STMN3: variants seen among roughly 807,000 people sequenced by gnomAD.
STMN3 encodes the protein stathmin 3, also known as stathmin-3.
A neutral mutation model predicts 23.2 loss-of-function variants in STMN3; 24 were observed. That is an observed-to-expected ratio of 1.03 (90% CI 0.75 to 1.45). STMN3 has a LOEUF of 1.45. Ranked by LOEUF, STMN3 falls within the 40% of genes most tolerant of loss-of-function variation. STMN3 has a pLI of 0.00. For synonymous variants in STMN3, 117 were observed against 103.4 expected, an observed-to-expected ratio of 1.13 and a Z score of -0.80; for missense variants, 235 against 237.6, an observed-to-expected ratio of 0.99 and a Z score of 0.07.
chr20:63,644,609 C>T (rs1045068670), intron 1 of STMN3, among the ~76,000 whole-genome samples: 3 of 152,218 alleles, frequency 2.0e-5, no homozygotes, highest in Non-Finnish European at 4.4e-5. Flanking sequence ...ACTTGTTTCT[C>T]CATCCTTCTC....
At position 63,640,570 on chromosome 20, in the gene STMN3, CCTG is replaced by C. The variant is rs1569066341; in HGVS notation, c.*765_*767del. ...TCTGCAAAGCCCTGGTGGGGAGGGG[CCTG>C]GGCCAGAGGCTCTTTGGAACTCTTG... On this transcript the variant is annotated 3_prime_UTR_variant, in exon 5 of 5. Coordinates refer to ENST00000370053, the MANE Select transcript of STMN3 (RefSeq NM_015894.4). 1.0e-4 allele frequency: 7 copies of C among 67,556 alleles called. No individual in the cohort carries two copies. Among genetic ancestry groups the C allele is most frequent in the African/African-American group, 6.2e-4 (6 of 9,650 alleles). 4.2% of individuals were successfully genotyped at this position (67,556 alleles called of 1,614,324 possible).
Position 63,652,872 on chromosome 20 carries a change from C to G in STMN3, c.19+455G>C. 1 of 860,254 alleles carries G rather than the reference C, an allele frequency of 1.2e-6. No individual in the cohort carries two copies. Among genetic ancestry groups the G allele is most frequent in the South Asian group, 5.3e-5 (1 of 18,824 alleles). 53.3% of individuals were successfully genotyped at this position (860,254 alleles called of 1,614,324 possible). ...TGTGCTGCACTGGCGCGGGGAGCGC[C>G]GGGTTCCCGGCTGGGGCTTTGGCAG... is the stretch of plus-strand genomic sequence containing the variant. On this transcript the variant is annotated intron_variant, in intron 1 of 4. Coordinates refer to ENST00000370053, the MANE Select transcript of STMN3 (RefSeq NM_015894.4). The surrounding 1 kb of genome is among the most constrained non-coding windows in gnomAD (Gnocchi z 5.3).
intron 3 of STMN3, among the ~76,000 whole-genome samples, chr20:63,643,119 G>A (rs1339694111): frequency 6.6e-6 from 1 of 152,040 alleles, no homozygotes; most frequent in Non-Finnish European, 1.5e-5. Context: ...TCCCTGTCTG[G>A]GAGAGGGATG....
At chr20:63,647,262 C>T (rs1224499029) in intron 1 of STMN3, among the ~76,000 whole-genome samples, 10 of 144,102 alleles carry the variant, frequency 6.9e-5, no homozygotes, top group African/African-American at 1.3e-4. Flanking sequence ...GAGCCAAGAT[C>T]GAGCTACTGC....
At position 63,641,194 on chromosome 20, in the gene STMN3, C is replaced by T; in HGVS notation, c.*144G>A. Reference sequence around the variant, plus strand: ...GACTCACCACGAGGACAGGGCAGGGCGGCTGAGTGCGGAAGAGAAGCATGA... The same window carrying T: ...GACTCACCACGAGGACAGGGCAGGGTGGCTGAGTGCGGAAGAGAAGCATGA... On this transcript the variant is annotated 3_prime_UTR_variant, in exon 5 of 5. Coordinates refer to ENST00000370053, the MANE Select transcript of STMN3 (RefSeq NM_015894.4). 3 of 750,196 alleles carry T rather than the reference C, an allele frequency of 4.0e-6. No homozygotes were observed. The highest frequency in any genetic ancestry group is 4.6e-6 in the Non-Finnish European group (2 of 433,840). The allele number at this position is 750,196 out of a possible 1,614,324, so 46.5% of individuals were successfully genotyped here. A position where few individuals can be genotyped will look rare whatever the true frequency, so the allele number is the denominator to read the frequency against.
rs1601051071 is a variant in STMN3 at position 63,639,769 on chromosome 20, T to G, written c.*1569A>C. On this transcript the variant is annotated 3_prime_UTR_variant, in exon 5 of 5. Transcript: ENST00000370053. ...ATTTGATTGAATTTTTAAGTTCACTTTACTACGTGGATGAGATGGGTGCAT... is the reference window on the plus strand; with the variant it reads ...ATTTGATTGAATTTTTAAGTTCACTGTACTACGTGGATGAGATGGGTGCAT... 1 of 152,398 alleles carries G rather than the reference T, an allele frequency of 6.6e-6. No homozygotes were observed. The highest frequency in any genetic ancestry group is 1.9e-4 in the East Asian group (1 of 5,334). The allele number at this position is 152,398 out of a possible 1,614,324, so 9.4% of individuals were successfully genotyped here. A position where few individuals can be genotyped will look rare whatever the true frequency, so the allele number is the denominator to read the frequency against.
rs1181981071 is a variant in STMN3, at chr20:63,639,747, T to G, written c.*1591A>C. ...ACAGGTGTTTATTTAATTGTTCATT[T>G]GATTGAATTTTTAAGTTCACTTTAC... is the stretch of plus-strand genomic sequence containing the variant. On this transcript the variant is annotated 3_prime_UTR_variant, in exon 5 of 5. Coordinates refer to ENST00000370053, the MANE Select transcript of STMN3 (RefSeq NM_015894.4). 4.6e-5 allele frequency: 7 copies of G among 152,358 alleles called. No homozygotes were observed. The highest frequency in any genetic ancestry group is 7.3e-5 in the Non-Finnish European group (5 of 68,054). 9.4% of individuals were successfully genotyped at this position (152,358 alleles called of 1,614,324 possible).
At position 63,646,100 on chromosome 20, in the gene STMN3, G is replaced by A. The variant is rs530140489; in HGVS notation, c.20-1791C>T. On this transcript the variant is annotated intron_variant, in intron 1 of 4. Transcript: ENST00000370053. ...TCTTCTGGTGACAGTGCAGAGAATG[G>A]TCTGTCCTGACTTAAATTTCCTGGT... Among the ~76,000 whole-genome samples the A allele has an allele frequency of 4.6e-4, 70 of 152,066 alleles. 1 individual carries two copies. The highest frequency in any genetic ancestry group is 7.9e-4 in the Non-Finnish European group (54 of 68,032).
At chr20:63,647,485 G>A (rs1171136022) in intron 1 of STMN3, among the ~76,000 whole-genome samples, 2 of 150,556 alleles carry the variant, frequency 1.3e-5, no homozygotes, top group Non-Finnish European at 3.0e-5. Context: ...GCATGGTGGC[G>A]GGCACGTGTA....
In STMN3 at chr20:63,647,743, G is replaced by A. The variant is rs530328854; in HGVS notation, c.20-3434C>T. Among the ~76,000 whole-genome samples, 457 of 102,064 alleles carry A rather than the reference G, an allele frequency of 4.5e-3. 6 individuals are homozygous for A. Among genetic ancestry groups the A allele is most frequent in the African/African-American group, 0.016 (432 of 26,558 alleles). 67.0% of individuals were successfully genotyped at this position (102,064 alleles called of 152,430 possible). ...ATATATTATATACATATATATACAC[G>A]TGTATATATATAATATATATACATA... is the stretch of plus-strand genomic sequence containing the variant. On this transcript the variant is annotated intron_variant, in intron 1 of 4. Transcript: ENST00000370053.
intron 1 of STMN3, among the ~76,000 whole-genome samples, chr20:63,647,754 TA>T (rs1270875240): frequency 8.0e-6 from 1 of 124,320 alleles, no homozygotes; most frequent in Non-Finnish European, 1.7e-5. Context: ...TGTATATATA[TA>T]ATATATATAC....
intron 1 of STMN3, among the ~76,000 whole-genome samples, chr20:63,646,842 C>T (rs2089813151): frequency 6.6e-6 from 1 of 151,472 alleles, no homozygotes. Flanking sequence ...GCAATTCCGC[C>T]TCCTGGGTTC....
In STMN3 at chr20:63,647,991, T is replaced by TATATATATATATATACAC. The variant is rs1288050001; in HGVS notation, c.20-3683_20-3682insGTGTATATATATATATAT. ...ATATATATATATATACATATATATATACAGAGAGAGAGAGAGTAGTGATAG... is the reference window on the plus strand; with the variant it reads ...ATATATATATATATACATATATATATATATATATATATATACACACAGAGAGAGAGAGAGTAGTGATAG... On this transcript the variant is annotated intron_variant, in intron 1 of 4. Coordinates refer to ENST00000370053, the MANE Select transcript of STMN3 (RefSeq NM_015894.4). Among the ~76,000 whole-genome samples the TATATATATATATATACAC allele has an allele frequency of 3.6e-3, 276 of 75,852 alleles. 14 individuals carry two copies. Among genetic ancestry groups the TATATATATATATATACAC allele is most frequent in the South Asian group, 8.8e-3 (20 of 2,278 alleles). 49.8% of individuals were successfully genotyped at this position (75,852 alleles called of 152,430 possible).
chr20:63,646,935 G>A lies in STMN3; in HGVS notation c.20-2626C>T, dbSNP rs1464045641. On this transcript the variant is annotated intron_variant, in intron 1 of 4. Transcript: ENST00000370053. ...CACCCGGCTAATTTTTGTATTTTTA[G>A]TAGAGACAGGGTTTCACTATGTTGG... 1.3e-5 allele frequency among the ~76,000 whole-genome samples: 2 copies of A among 151,402 alleles called. 1 individual carries two copies. Among genetic ancestry groups the A allele is most frequent in the African/African-American group, 4.9e-5 (2 of 41,176 alleles).
At chr20:63,651,442 C>T (rs1044235764) in intron 1 of STMN3, among the ~76,000 whole-genome samples, 1 of 152,096 alleles carries the variant, frequency 6.6e-6, no homozygotes, top group Non-Finnish European at 1.5e-5. Flanking sequence ...GGCCTCTGAC[C>T]CCTGGAGGGC....
At position 63,646,488 on chromosome 20, in the gene STMN3, G is replaced by GCCTCCCGAGTAGC. The variant is rs1288866754; in HGVS notation, c.20-2180_20-2179insGCTACTCGGGAGG. Among the ~76,000 whole-genome samples, 10 of 151,928 alleles carry GCCTCCCGAGTAGC rather than the reference G, an allele frequency of 6.6e-5. 1 individual carries two copies. The highest frequency in any genetic ancestry group is 1.2e-4 in the Non-Finnish European group (8 of 68,012). ...TCCTGCCTCAGCCTCCCGAGTAGCT[G>GCCTCCCGAGTAGC]GGACCACAGGCACCGCCACCACACC... On this transcript the variant is annotated intron_variant, in intron 1 of 4. Coordinates refer to ENST00000370053, the MANE Select transcript of STMN3 (RefSeq NM_015894.4).
intron 1 of STMN3, among the ~76,000 whole-genome samples, chr20:63,649,567 G>A (rs1435236798): frequency 6.6e-6 from 1 of 152,052 alleles, no homozygotes; most frequent in Non-Finnish European, 1.5e-5. Flanking sequence ...GTCTCACTCT[G>A]TCTCCCAGGC....
At chr20:63,646,665 T>C (rs925028926) in intron 1 of STMN3, among the ~76,000 whole-genome samples, 2 of 151,966 alleles carry the variant, frequency 1.3e-5, no homozygotes, top group East Asian at 3.9e-4. Context: ...CTTTATTTTT[T>C]AGAAACAGGA....
At position 63,642,154 on chromosome 20, in the gene STMN3, A is replaced by T. The variant is rs2089773954; in HGVS notation, c.437T>A (p.Ile146Asn). ...CAGTGCGGCCAGGTGTGCCTCGCGG[A>T]TCTCCTTGCTGAGCTCCATCTTGTA... ...LNYKMELSKE[I>N]REAHLAALRE... The change falls in exon 4 of 5, where the codon ATC becomes AAC. Residue 146 changes from isoleucine to asparagine, a missense_variant. Physicochemically the swap from Ile to Asn is moderately radical, Grantham distance 149. Coordinates refer to ENST00000370053, the MANE Select transcript of STMN3 (RefSeq NM_015894.4). 3.4e-6 allele frequency: 5 copies of T among 1,458,830 alleles called. No homozygotes were observed. The highest frequency in any genetic ancestry group is 4.6e-6 in the Non-Finnish European group (5 of 1,096,266). 90.4% of individuals were successfully genotyped at this position (1,458,830 alleles called of 1,614,324 possible). A position where few individuals can be genotyped will look rare whatever the true frequency, so the allele number is the denominator to read the frequency against.
Sources: gnomAD v4.1 joint callset for allele counts (sites outside exome capture counted in the v4.1 genomes callset) on GRCh38, gnomAD v4.1.1 for gene constraint, Gnocchi (gnomAD v3.1) non-coding constraint, MANE v1.5 for transcripts, NCBI Gene and HGNC (gene_info 2026-07-23, HGNC 2026-07-21) for gene names.